ITGB6: variants seen among roughly 807,000 people sequenced by gnomAD.
ITGB6 encodes integrin subunit beta 6.
A neutral mutation model predicts 84.5 loss-of-function variants in ITGB6; 80 were observed. The observed-to-expected ratio is 0.95, with a 90% CI of 0.79 to 1.14. The LOEUF is 1.14. ITGB6 is among the 50% of genes most tolerant of loss of function. The probability of loss-of-function intolerance (pLI) is 0.00; values close to 1 mark genes in which losing one functional copy is unlikely to be tolerated. For missense variants in ITGB6, 1,006 were observed against 968.0 expected, an observed-to-expected ratio of 1.04 and a Z score of -0.52; for synonymous variants, 383 against 354.9, an observed-to-expected ratio of 1.08 and a Z score of -0.89.
rs1420201963 is a variant in ITGB6, at chr2:160,196,410, T to A, written c.152A>T (p.His51Leu). The part of the protein sequence containing the change: ...CAWCAQENFT[H>L]PSGVGERCDT... ...ACACCTTTCGCCAACTCCAGATGGA[T>A]GAGTAAAATTCTAAAAAAGAAAAAG... The change falls in exon 3 of 15, where the codon CAT becomes CTT. Residue 51 changes from histidine to leucine, a missense_variant. Transcript: ENST00000283249. The A allele has an allele frequency of 6.2e-7, 1 of 1,606,794 alleles. No individual in the cohort carries two copies. The highest frequency in any genetic ancestry group is 8.5e-7 in the Non-Finnish European group (1 of 1,177,156).
rs769477320 is a variant in ITGB6 at position 160,137,635 on chromosome 2, C to T, written c.1459G>A (p.Gly487Arg). 2 of 1,614,206 alleles carry T rather than the reference C, an allele frequency of 1.2e-6. No homozygotes were observed. The highest frequency in any genetic ancestry group is 1.1e-5 in the South Asian group (1 of 91,080). The change falls in exon 10 of 15, where the codon GGG becomes AGG. Residue 487 changes from glycine (G) to arginine (R), a missense_variant. By Grantham distance (125) the Gly-to-Arg change is moderately radical. Coordinates refer to ENST00000283249, the MANE Select transcript of ITGB6 (RefSeq NM_000888.5). ...TCCTCGCCACACTCACAGCGAGGCC[C>T]CATGTGGCCAGGGTGGCAGGCACAC... ...GVCACHPGHM[G>R]PRCECGEDML...
At chr2:160,105,224 A>C (rs921921478) in intron 14 of ITGB6, among the ~76,000 whole-genome samples, 1 of 152,192 alleles carries the variant, frequency 6.6e-6, no homozygotes, top group Non-Finnish European at 1.5e-5. Context: ...TAATAAGGGA[A>C]TAATATTTTC....
At chr2:160,159,112 A>G (rs1684730995) in intron 7 of ITGB6, among the ~76,000 whole-genome samples, 1 of 151,996 alleles carries the variant, frequency 6.6e-6, no homozygotes, top group Non-Finnish European at 1.5e-5. Context: ...AAAAAAAAAA[A>G]AGAAATGCAG....
chr2:160,150,335 A>G (rs959673207), intron 7 of ITGB6, among the ~76,000 whole-genome samples: 4 of 152,160 alleles, frequency 2.6e-5, no homozygotes, highest in East Asian at 3.8e-4. Flanking sequence ...TTTCAACCCA[A>G]AATTTCATAT....
At chr2:160,143,248 G>T (rs1201202000) in intron 7 of ITGB6, among the ~76,000 whole-genome samples, 1 of 152,078 alleles carries the variant, frequency 6.6e-6, no homozygotes, top group African/African-American at 2.4e-5. Flanking sequence ...GGTTGCCACT[G>T]CACTCCAGCC....
intron 14 of ITGB6, among the ~76,000 whole-genome samples, chr2:160,105,014 A>G (rs1277658469): frequency 6.6e-6 from 1 of 152,224 alleles, no homozygotes; most frequent in Non-Finnish European, 1.5e-5. Context: ...TCAAGAAGAA[A>G]TAGGTTTTAG....
chr2:160,158,015 C>A (rs757394003), intron 7 of ITGB6, among the ~76,000 whole-genome samples: 1 of 152,068 alleles, frequency 6.6e-6, no homozygotes, highest in Non-Finnish European at 1.5e-5. Flanking sequence ...CAAAAGTTTA[C>A]CCCCAGGCTC....
chr2:160,168,190 C>T (rs557293835), intron 7 of ITGB6, among the ~76,000 whole-genome samples: 1 of 152,306 alleles, frequency 6.6e-6, no homozygotes, highest in South Asian at 2.1e-4. Context: ...ATACCCTCCT[C>T]TCATTCAAAA....
chr2:160,132,004 G>A (rs545353364), intron 10 of ITGB6, among the ~76,000 whole-genome samples: 26 of 152,224 alleles, frequency 1.7e-4, no homozygotes, highest in African/African-American at 5.3e-4. Context: ...AATATAGGTC[G>A]TGTTAGTATC....
At chr2:160,156,701 T>C (rs1574098112) in intron 7 of ITGB6, among the ~76,000 whole-genome samples, 1 of 152,312 alleles carries the variant, frequency 6.6e-6, no homozygotes, top group South Asian at 2.1e-4. Context: ...TCCTGTTTTA[T>C]GGCCATGATC....
chr2:160,137,655 GCACA>G lies in ITGB6; in HGVS notation c.1435_1438del (p.Cys479ProfsTer18). On this transcript the variant is annotated frameshift_variant, in exon 10 of 15. Transcript: ENST00000283249. LOFTEE classifies it high-confidence loss of function. ...AGGCCCCATGTGGCCAGGGTGGCAG[GCACA>G]CACCCCACACTGGAAAGAGCCGTTC... 1.2e-6 allele frequency: 2 copies of G among 1,614,170 alleles called. No individual in the cohort carries two copies. The highest frequency in any genetic ancestry group is 1.7e-6 in the Non-Finnish European group (2 of 1,180,016).
chr2:160,199,848 G>T (rs955832847), intron 1 of ITGB6, among the ~76,000 whole-genome samples, 155 bp downstream of exon 1: 1 of 152,172 alleles, frequency 6.6e-6, no homozygotes, highest in Non-Finnish European at 1.5e-5. Flanking sequence ...GGAACTGCCC[G>T]GTGTTTGTCT....
chr2:160,135,138 T>C (rs1485096947), intron 10 of ITGB6, among the ~76,000 whole-genome samples: 4 of 150,286 alleles, frequency 2.7e-5, no homozygotes, highest in Non-Finnish European at 6.0e-5. Context: ...GATGACATGA[T>C]TGTATATCTA....
At chr2:160,183,674 C>A (rs749929414) in intron 4 of ITGB6, among the ~76,000 whole-genome samples, 1 of 152,190 alleles carries the variant, frequency 6.6e-6, no homozygotes, top group East Asian at 1.9e-4. Flanking sequence ...CACCCCAAAT[C>A]GACAGAATAT....
rs145434519 is a variant in ITGB6 at position 160,132,553 on chromosome 2, T to C, written c.1660+4881A>G. ...TAACTTGCTTAGTTTTCTATAAAGA[T>C]AATGGCTTTCTGATTTGAATAGCTG... is the stretch of plus-strand genomic sequence containing the variant. On this transcript the variant is annotated intron_variant, in intron 10 of 14. Transcript: ENST00000283249. 6.7e-3 allele frequency among the ~76,000 whole-genome samples: 1,023 copies of C among 152,236 alleles called. 8 individuals carry two copies. Among genetic ancestry groups the C allele is most frequent in the African/African-American group, 0.023 (939 of 41,544 alleles).
intron 13 of ITGB6, among the ~76,000 whole-genome samples, chr2:160,110,986 G>A (rs1305598935): frequency 6.6e-6 from 1 of 152,172 alleles, no homozygotes; most frequent in Admixed American, 6.5e-5. Flanking sequence ...AAAGCATGGG[G>A]ATAATAACAC....
At chr2:160,147,065 C>G (rs1457535362) in intron 7 of ITGB6, among the ~76,000 whole-genome samples, 1 of 123,816 alleles carries the variant, frequency 8.1e-6, no homozygotes, top group Non-Finnish European at 1.6e-5. Context: ...GCCTGGGTGA[C>G]AGAGTGAGAC....
intron 12 of ITGB6, among the ~76,000 whole-genome samples, chr2:160,119,325 T>C (rs1352326315): frequency 6.6e-6 from 1 of 152,076 alleles, no homozygotes; most frequent in Non-Finnish European, 1.5e-5. Flanking sequence ...GAGATATAGA[T>C]CAATGGGATA....
chr2:160,189,905 A>C (rs534168302), intron 4 of ITGB6, among the ~76,000 whole-genome samples: 2 of 152,228 alleles, frequency 1.3e-5, no homozygotes, highest in East Asian at 3.9e-4. Context: ...ACATGCACAC[A>C]TATGTTTATT....
Sources: allele counts gnomAD v4.1 joint callset (sites outside exome capture counted in the v4.1 genomes callset), GRCh38; gene constraint gnomAD v4.1.1; transcripts MANE v1.5; gene names NCBI Gene and HGNC (gene_info 2026-07-23, HGNC 2026-07-21).